The following ZNF664 variants were observed in gnomAD, a reference collection of about 807,000 sequenced individuals.
ZNF664 encodes zinc finger Organ of Corti 1.
In ZNF664, 10 loss-of-function variants were observed where a neutral mutation model predicts 18.2. The ratio of observed to expected loss-of-function variants is 0.55; its 90% CI spans 0.34 to 0.93. The LOEUF (loss-of-function observed/expected upper bound fraction) is 0.93. Among genes scored for constraint, ZNF664 ranks in the 40% least tolerant of loss-of-function variants. The pLI, the probability that ZNF664 is intolerant of heterozygous loss-of-function variation, is 0.02. For synonymous variants in ZNF664, 119 were observed against 104.2 expected (o/e 1.14, Z -0.86); for missense variants, 193 against 319.0 (o/e 0.61, Z 3.01).
At position 124,007,101 on chromosome 12, in the gene ZNF664, G is replaced by A. The variant is rs372230899; in HGVS notation, c.-660-4280G>A. 2.1e-3 allele frequency among the ~76,000 whole-genome samples: 316 copies of A among 152,276 alleles called. 3 individuals carry two copies. Among genetic ancestry groups the A allele is most frequent in the African/African-American group, 7.4e-3 (309 of 41,542 alleles). On this transcript the variant is annotated intron_variant, in intron 3 of 4. Coordinates refer to ENST00000337815, the MANE Select transcript of ZNF664 (RefSeq NM_152437.3). ...TGTTGGCCTTTCTGTTCTTTGGTTGGTCACGTGGAAAATTTGCCGGAGTTT... is the reference window on the plus strand; with the variant it reads ...TGTTGGCCTTTCTGTTCTTTGGTTGATCACGTGGAAAATTTGCCGGAGTTT...
At chr12:123,999,162 G>A (rs928403401) in intron 3 of ZNF664, among the ~76,000 whole-genome samples, 2 of 152,120 alleles carry the variant, frequency 1.3e-5, no homozygotes, top group African/African-American at 4.8e-5. Flanking sequence ...GTATGCATGT[G>A]GGGAGATGAA....
intron 3 of ZNF664, among the ~76,000 whole-genome samples, chr12:123,991,831 C>T (rs1956892834): frequency 6.6e-6 from 1 of 152,218 alleles, no homozygotes. Context: ...TTATCCTTCT[C>T]AGACTTTCTT....
rs1956638980 is a variant in ZNF664 at position 123,973,877 on chromosome 12, GT to G, written c.-891-4del. ...GAGCCGGCTGCATGGGGTGCTGTGT[GT>G]TTTTCAGGGCGCCCTGCGTCCGGCA... On this transcript the variant is annotated splice_polypyrimidine_tract_variant and splice_region_variant and intron_variant, in intron 1 of 4. Coordinates refer to ENST00000337815, the MANE Select transcript of ZNF664 (RefSeq NM_152437.3). 17 of 1,231,830 alleles carry G rather than the reference GT, an allele frequency of 1.4e-5. No homozygotes were observed. Among genetic ancestry groups the G allele is most frequent in the Non-Finnish European group, 1.7e-5 (17 of 988,084 alleles). The allele number at this position is 1,231,830 out of a possible 1,614,324, so 76.3% of individuals were successfully genotyped here. A position where few individuals can be genotyped will look rare whatever the true frequency, so the allele number is the denominator to read the frequency against.
chr12:124,009,572 C>T (rs1020239820), intron 3 of ZNF664, among the ~76,000 whole-genome samples: 6 of 152,144 alleles, frequency 3.9e-5, no homozygotes, highest in Non-Finnish European at 8.8e-5. Flanking sequence ...AATCTTGGCT[C>T]AATGTAGCCT....
At chr12:123,975,421 TAAA>T (rs79980583) in intron 2 of ZNF664, among the ~76,000 whole-genome samples, 16 of 138,628 alleles carry the variant, frequency 1.2e-4, no homozygotes, top group Non-Finnish European at 1.6e-4. Context: ...TCCTCTTCAT[TAAA>T]AAAAAAAAAA....
intron 2 of ZNF664, 185 bp from the exon 3 acceptor site, chr12:123,987,858 C>T: frequency 1.5e-6 from 1 of 652,482 alleles, no homozygotes; most frequent in Non-Finnish European, 1.9e-6. Context: ...CAGATTTGCT[C>T]ATCCCTTCTT....
intron 2 of ZNF664, among the ~76,000 whole-genome samples, chr12:123,984,378 G>A (rs1956800698): frequency 6.6e-6 from 1 of 152,194 alleles, no homozygotes; most frequent in South Asian, 2.1e-4. Flanking sequence ...AACCTCGGTG[G>A]TGTGGTGTTG....
At chr12:123,981,469 G>C (rs1956764460) in intron 2 of ZNF664, among the ~76,000 whole-genome samples, 1 of 152,168 alleles carries the variant, frequency 6.6e-6, no homozygotes. Context: ...ATGTTAACAT[G>C]CTCAGCCCCC....
chr12:123,991,264 GA>G (rs945577621), intron 3 of ZNF664, among the ~76,000 whole-genome samples: 2 of 151,834 alleles, frequency 1.3e-5, no homozygotes, highest in African/African-American at 2.4e-5. Flanking sequence ...TGAACAGCAG[GA>G]AAAAAAAGTA....
intron 2 of ZNF664, among the ~76,000 whole-genome samples, chr12:123,975,368 A>T (rs934793906): frequency 3.3e-5 from 5 of 151,742 alleles, no homozygotes; most frequent in Admixed American, 3.3e-4. Flanking sequence ...TAGTCTTCTT[A>T]ACAATATTTT....
chr12:123,978,806 TAGAC>T (rs558788391), intron 2 of ZNF664, among the ~76,000 whole-genome samples: 1 of 152,204 alleles, frequency 6.6e-6, no homozygotes, highest in South Asian at 2.1e-4. Flanking sequence ...AACACAAGAA[TAGAC>T]AGATTGACGC....
intron 2 of ZNF664, among the ~76,000 whole-genome samples, chr12:123,979,545 A>G (rs1223129684): frequency 6.6e-6 from 1 of 152,248 alleles, no homozygotes; most frequent in Non-Finnish European, 1.5e-5. Context: ...TGCTATTTTC[A>G]TAGGAGAACA....
chr12:124,010,008 C>T (rs1004225170), intron 3 of ZNF664, among the ~76,000 whole-genome samples: 3 of 151,846 alleles, frequency 2.0e-5, no homozygotes, highest in Admixed American at 6.6e-5. Context: ...AGTTCCCTAT[C>T]GATGGCCTTC....
rs759998772 is a variant in ZNF664 at position 124,012,486 on chromosome 12, G to A, written c.342G>A (p.Pro114=). The change falls in exon 5 of 5, where the codon CCG becomes CCA. Residue 114 remains proline, a synonymous_variant. Coordinates refer to ENST00000337815, the MANE Select transcript of ZNF664 (RefSeq NM_152437.3). The part of the protein sequence containing the change: ...IHMRVHTGEK[P]YVCSECGRGF... ...TGAGAGTTCATACAGGTGAGAAACC[G>A]TATGTCTGTAGTGAGTGTGGAAGGG... The A allele has an allele frequency of 1.1e-5, 18 of 1,614,188 alleles. No individual in the cohort carries two copies. The highest frequency in any genetic ancestry group is 1.3e-5 in the Non-Finnish European group (15 of 1,180,048).
intron 3 of ZNF664, among the ~76,000 whole-genome samples, chr12:124,006,545 A>G (rs1436669927): frequency 2.0e-5 from 3 of 152,216 alleles, no homozygotes; most frequent in African/African-American, 7.2e-5. Context: ...GTTCTTTATT[A>G]GCTAGTTGCC....
At chr12:123,974,247 C>G in intron 2 of ZNF664, 1 of 392,064 alleles carries the variant, frequency 2.6e-6, no homozygotes, top group Non-Finnish European at 4.5e-6. Context: ...CGAACTCTAA[C>G]AACTAAATCT....
Position 124,013,253 on chromosome 12 carries a change from C to T in ZNF664, c.*323C>T. On this transcript the variant is annotated 3_prime_UTR_variant, in exon 5 of 5. Coordinates refer to ENST00000337815, the MANE Select transcript of ZNF664 (RefSeq NM_152437.3). ...ATCATTGCCCGGCCTCCTGAGTCAC[C>T]TTCTATCTATACTTTGCTTAAAAGC... 2.8e-6 allele frequency: 1 copy of T among 360,652 alleles called. No individual in the cohort carries two copies. Among genetic ancestry groups the T allele is most frequent in the South Asian group, 3.4e-5 (1 of 29,146 alleles). 22.3% of individuals were successfully genotyped at this position (360,652 alleles called of 1,614,324 possible).
chr12:124,011,378 C>T lies in ZNF664; in HGVS notation c.-660-3C>T, dbSNP rs1304326426. ...CATGATATCTACAAATTCTCTCCTTCAGACCTGCAAATCCAAGAGACACAT... is the reference window on the plus strand; with the variant it reads ...CATGATATCTACAAATTCTCTCCTTTAGACCTGCAAATCCAAGAGACACAT... On this transcript the variant is annotated splice_polypyrimidine_tract_variant and splice_region_variant and intron_variant, in intron 3 of 4. Coordinates refer to ENST00000337815, the MANE Select transcript of ZNF664 (RefSeq NM_152437.3). 9.9e-6 allele frequency: 10 copies of T among 1,009,900 alleles called. No individual in the cohort carries two copies. Among genetic ancestry groups the T allele is most frequent in the Non-Finnish European group, 1.2e-5 (10 of 848,968 alleles). 62.6% of individuals were successfully genotyped at this position (1,009,900 alleles called of 1,614,324 possible).
At position 124,011,712 on chromosome 12, in the gene ZNF664, T is replaced by C. The variant is rs1331620652; in HGVS notation, c.-433T>C. 1 of 1,008,094 alleles carries C rather than the reference T, an allele frequency of 9.9e-7. No individual in the cohort carries two copies. Among genetic ancestry groups the C allele is most frequent in the Non-Finnish European group, 1.2e-6 (1 of 847,160 alleles). 62.4% of individuals were successfully genotyped at this position (1,008,094 alleles called of 1,614,324 possible). ...GCAGGGGCTCGAGACCAGCCAGCAG[T>C]ATCTCATCCTTCGATACAGGGGATA... On this transcript the variant is annotated 5_prime_UTR_variant, in exon 5 of 5. Transcript: ENST00000337815.
Sources: gnomAD v4.1 joint callset for allele counts (sites outside exome capture counted in the v4.1 genomes callset) on GRCh38, gnomAD v4.1.1 for gene constraint, MANE v1.5 for transcripts, NCBI Gene and HGNC (gene_info 2026-07-23, HGNC 2026-07-21) for gene names.